Variants in DAB1 observed in about 807,000 individuals in gnomAD.
DAB1 encodes the protein disabled homolog 1.
In DAB1, 15 loss-of-function variants were observed where a neutral mutation model predicts 64.6. That is an observed-to-expected ratio of 0.23 (90% CI 0.16 to 0.36). DAB1 has a LOEUF of 0.36. Among genes scored for constraint, DAB1 ranks in the 10% least tolerant of loss-of-function variants. DAB1 has a pLI of 1.00. For synonymous variants in DAB1, 235 were observed against 251.9 expected (o/e 0.93, Z 0.64); for missense variants, 596 against 706.7 (o/e 0.84, Z 1.78).
intron 4 of DAB1, among the ~76,000 whole-genome samples, chr1:58,162,907 G>A (rs570764768): frequency 1.3e-5 from 2 of 152,250 alleles, no homozygotes; most frequent in East Asian, 3.9e-4. Flanking sequence ...GCCCTCCAGG[G>A]AACATTTGGC....
intron 3 of DAB1, among the ~76,000 whole-genome samples, chr1:58,435,676 G>A (rs1311222114): frequency 1.3e-5 from 2 of 152,068 alleles, no homozygotes; most frequent in East Asian, 3.9e-4. Flanking sequence ...TCCCTGTCAG[G>A]CTTCTCCTAA....
At chr1:57,873,381 T>C (rs760539961) in intron 1 of DAB1, among the ~76,000 whole-genome samples, 4 of 152,132 alleles carry the variant, frequency 2.6e-5, no homozygotes, top group Non-Finnish European at 4.4e-5. Context: ...CAAGGTAACA[T>C]TGAAAGAACT....
At chr1:58,096,099 T>A (rs1364474811) in intron 5 of DAB1, among the ~76,000 whole-genome samples, 1 of 152,174 alleles carries the variant, frequency 6.6e-6, no homozygotes, top group African/African-American at 2.4e-5. Context: ...ATTGCTTAGG[T>A]TCTTCTAGTG....
chr1:57,718,751 T>C (rs1647115244), intron 6 of DAB1, among the ~76,000 whole-genome samples: 1 of 152,224 alleles, frequency 6.6e-6, no homozygotes. Flanking sequence ...GTTGTAATTC[T>C]ATGCAGTTTT....
chr1:57,062,438 G>A (rs949621439), intron 9 of DAB1, among the ~76,000 whole-genome samples: 5 of 152,284 alleles, frequency 3.3e-5, no homozygotes, highest in Middle Eastern at 6.8e-3. Context: ...TGAGCTCTGA[G>A]CTTCACTACT....
chr1:57,529,375 A>G (rs1382889206), intron 7 of DAB1, among the ~76,000 whole-genome samples: 1 of 152,122 alleles, frequency 6.6e-6, no homozygotes, highest in Non-Finnish European at 1.5e-5. Context: ...TTTAAATCCA[A>G]CTCTATCTTA....
intron 2 of DAB1, among the ~76,000 whole-genome samples, chr1:57,170,373 A>G (rs1661628755): frequency 6.6e-6 from 1 of 152,158 alleles, no homozygotes; most frequent in Non-Finnish European, 1.5e-5. Flanking sequence ...TGATTAATGA[A>G]CATTACATAC....
intron 3 of DAB1, among the ~76,000 whole-genome samples, chr1:58,407,409 T>C (rs1159371280): frequency 1.3e-5 from 2 of 152,228 alleles, no homozygotes; most frequent in Non-Finnish European, 2.9e-5. Flanking sequence ...AGATATTTGT[T>C]AGCATGGATG....
At position 58,131,219 on chromosome 1, in the gene DAB1, T is replaced by C. The variant is rs1451465071; in HGVS notation, n.387+19292A>G. On this transcript the variant is annotated intron_variant and non_coding_transcript_variant, in intron 5 of 20. Transcript: ENST00000485760. ...TCATTTCATTCATTTCATCTTCCAT[T>C]GCTGATACCCTTTCTTCCAGTTGAT... Among the ~76,000 whole-genome samples, 19 of 146,306 alleles carry C rather than the reference T, an allele frequency of 1.3e-4. No homozygotes were observed. In the East Asian group the frequency reaches 3.5e-3, roughly 27 times the overall value.
chr1:58,015,682 C>A (rs529773011), intron 5 of DAB1, among the ~76,000 whole-genome samples: 2 of 152,140 alleles, frequency 1.3e-5, no homozygotes, highest in South Asian at 2.1e-4. Context: ...ACCTTAAAAT[C>A]ACCTGGGATG....
intron 7 of DAB1, among the ~76,000 whole-genome samples, chr1:57,439,425 C>CTTTTTTTTTTTTTTTT (rs71051230): frequency 1.0e-5 from 1 of 97,984 alleles, no homozygotes; most frequent in African/African-American, 4.9e-5. Context: ...GAGGTTTTTT[C>CTTTTTTTTTTTTTTTT]TTTTTTTTTT....
At chr1:58,385,014 T>C (rs11207216) in intron 3 of DAB1, among the ~76,000 whole-genome samples, 4,439 of 152,274 alleles carry the variant, frequency 0.029, 219 homozygotes, top group African/African-American at 0.1. Context: ...TTTTGCATCC[T>C]TCAATCCAAT....
chr1:58,364,050 G>A (rs1017750282), intron 3 of DAB1, among the ~76,000 whole-genome samples: 3 of 152,352 alleles, frequency 2.0e-5, no homozygotes, highest in Middle Eastern at 3.4e-3. Flanking sequence ...CAGGCAGACT[G>A]AGTGATGTCT....
intron 5 of DAB1, among the ~76,000 whole-genome samples, chr1:57,951,895 G>A (rs1645287584): frequency 6.6e-6 from 1 of 152,106 alleles, no homozygotes; most frequent in Non-Finnish European, 1.5e-5. Context: ...TGATTCTTTA[G>A]GAAAACTTAA....
At position 58,480,734 on chromosome 1, in the gene DAB1, A is replaced by G. The variant is rs540684181; in HGVS notation, n.257+25326T>C. On this transcript the variant is annotated intron_variant and non_coding_transcript_variant, in intron 3 of 20. Transcript: ENST00000485760. Reference sequence around the variant, plus strand: ...GAAGACAGAGTAAAATGTGTAATATAAATTTATTCTGTGACATTTTCCTCA... The same window carrying G: ...GAAGACAGAGTAAAATGTGTAATATGAATTTATTCTGTGACATTTTCCTCA... The G allele has an allele frequency of 1.4e-5, 5 of 351,768 alleles. No homozygotes were observed. The East Asian group carries it at 1.7e-4, about 12-fold the overall frequency. The allele number at this position is 351,768 out of a possible 1,614,324, so 21.8% of individuals were successfully genotyped here. A position where few individuals can be genotyped will look rare whatever the true frequency, so the allele number is the denominator to read the frequency against.
At chr1:57,991,338 T>C (rs1309258204) in intron 5 of DAB1, among the ~76,000 whole-genome samples, 1 of 152,196 alleles carries the variant, frequency 6.6e-6, no homozygotes, top group Admixed American at 6.5e-5. Context: ...AATGCTATGT[T>C]GTTTTATTTT....
chr1:58,375,540 C>A (rs1224040487), intron 3 of DAB1, among the ~76,000 whole-genome samples: 9 of 148,058 alleles, frequency 6.1e-5, no homozygotes, highest in Non-Finnish European at 1.2e-4. Context: ...CCCACTTGAT[C>A]ATGGTGGATA....
chr1:58,315,579 T>A (rs1250445897), intron 4 of DAB1, among the ~76,000 whole-genome samples: 1 of 152,220 alleles, frequency 6.6e-6, no homozygotes, highest in Admixed American at 6.5e-5. Flanking sequence ...GTAGTGTTCA[T>A]GGTTCTATCT....
At chr1:57,413,936 A>G (rs1019136890) in intron 1 of DAB1, among the ~76,000 whole-genome samples, 1 of 152,108 alleles carries the variant, frequency 6.6e-6, no homozygotes, top group African/African-American at 2.4e-5. Flanking sequence ...AGAGGACTAG[A>G]ATTAGAAGTG....
Sources: gnomAD v4.1 joint callset for allele counts (sites outside exome capture counted in the v4.1 genomes callset) on GRCh38, gnomAD v4.1.1 for gene constraint, MANE v1.5 for transcripts, NCBI Gene and HGNC (gene_info 2026-07-23, HGNC 2026-07-21) for gene names.